DCLK2: variants seen among roughly 807,000 people sequenced by gnomAD.
DCLK2 encodes doublecortin like kinase 2, also known as serine/threonine-protein kinase DCLK2.
DCLK2 carries 31 observed loss-of-function variants against 78.4 expected under a neutral mutation model. The ratio of observed to expected loss-of-function variants is 0.40; its 90% CI spans 0.30 to 0.53. The LOEUF (loss-of-function observed/expected upper bound fraction) is 0.53, where lower values mean the gene tolerates loss of function less well. Ranked by LOEUF, DCLK2 falls within the 20% of genes least tolerant of loss-of-function variation. The pLI is 0.61. For synonymous variants in DCLK2, 407 were observed against 374.9 expected (o/e 1.09, Z -0.99); for missense variants, 872 against 973.7 (o/e 0.90, Z 1.39).
chr4:150,179,666 A>C (rs1026899293), intron 2 of DCLK2, among the ~76,000 whole-genome samples: 2 of 152,204 alleles, frequency 1.3e-5, no homozygotes, highest in African/African-American at 2.4e-5. Flanking sequence ...TAAAAATTTT[A>C]AAGGTCATAA....
intron 8 of DCLK2, among the ~76,000 whole-genome samples, chr4:150,229,864 G>A (rs1741908574): frequency 6.6e-6 from 1 of 152,132 alleles, no homozygotes; most frequent in East Asian, 1.9e-4. Flanking sequence ...AGACAAAAGA[G>A]ATATTCATAT....
At chr4:150,131,743 G>A (rs139591670) in intron 2 of DCLK2, among the ~76,000 whole-genome samples, 2 of 152,076 alleles carry the variant, frequency 1.3e-5, no homozygotes, top group Non-Finnish European at 2.9e-5. Flanking sequence ...CCAGACACTG[G>A]TCACTTCCTT....
intron 2 of DCLK2, among the ~76,000 whole-genome samples, chr4:150,106,553 T>G (rs1352072034): frequency 1.3e-5 from 2 of 152,230 alleles, no homozygotes; most frequent in Admixed American, 1.3e-4. Flanking sequence ...TTTTCCTGGT[T>G]GCTTCCTACC....
At chr4:150,184,787 GAGACGGGGTTTCACCAT>G (rs1396433111) in intron 2 of DCLK2, among the ~76,000 whole-genome samples, 1 of 151,984 alleles carries the variant, frequency 6.6e-6, no homozygotes, top group Non-Finnish European at 1.5e-5. Flanking sequence ...ATTTTTAGTA[GAGACGGGGTTTCACCAT>G]ATTAGCCAGG....
chr4:150,184,732 G>C (rs1474751492), intron 2 of DCLK2, among the ~76,000 whole-genome samples: 1 of 151,810 alleles, frequency 6.6e-6, no homozygotes, highest in Non-Finnish European at 1.5e-5. Context: ...CTCCCGAGTA[G>C]CTGGGACTAC....
intron 2 of DCLK2, among the ~76,000 whole-genome samples, chr4:150,182,165 T>G (rs1371304838): frequency 6.6e-6 from 1 of 152,038 alleles, no homozygotes; most frequent in Non-Finnish European, 1.5e-5. Flanking sequence ...CTCCCACCTC[T>G]GCCTCTCAGT....
chr4:150,226,990 T>C (rs1741670732), intron 8 of DCLK2, among the ~76,000 whole-genome samples: 1 of 152,242 alleles, frequency 6.6e-6, no homozygotes, highest in South Asian at 2.1e-4. Flanking sequence ...TGTTAAAATG[T>C]ATTATTTATC....
chr4:150,255,276 G>T (rs993972539), intron 15 of DCLK2, among the ~76,000 whole-genome samples: 1 of 152,224 alleles, frequency 6.6e-6, no homozygotes, highest in Non-Finnish European at 1.5e-5. Flanking sequence ...AGCCCATTGA[G>T]ATGGCAGCTT....
In DCLK2 at chr4:150,078,735, G is replaced by T. The variant is rs1728997408; in HGVS notation, c.-293G>T. The T allele has an allele frequency of 3.7e-6, 1 of 269,454 alleles. No individual in the cohort carries two copies. The highest frequency in any genetic ancestry group is 6.9e-6 in the Non-Finnish European group (1 of 144,430). The allele number at this position is 269,454 out of a possible 1,614,324, so 16.7% of individuals were successfully genotyped here. ...CGAGCGGGACTTGTGAGGCGTGGCC[G>T]GGTGGAGGAGGCGCTTGCGGGGGCG... is the stretch of plus-strand genomic sequence containing the variant. On this transcript the variant is annotated 5_prime_UTR_variant, in exon 1 of 16. Transcript: ENST00000296550.
chr4:150,119,005 A>G (rs1411368893), intron 2 of DCLK2, among the ~76,000 whole-genome samples: 1 of 150,862 alleles, frequency 6.6e-6, no homozygotes, highest in Non-Finnish European at 1.5e-5. Context: ...AGCCTCGACA[A>G]CAGTTGAGTG....
At chr4:150,252,280 T>C (rs1337009290) in intron 15 of DCLK2, among the ~76,000 whole-genome samples, 1 of 152,054 alleles carries the variant, frequency 6.6e-6, no homozygotes, top group Non-Finnish European at 1.5e-5. Context: ...TTTAGAAAAA[T>C]AAAACATTAA....
chr4:150,218,457 CA>C (rs768545545), intron 5 of DCLK2, among the ~76,000 whole-genome samples: 3 of 152,188 alleles, frequency 2.0e-5, no homozygotes, highest in Non-Finnish European at 4.4e-5. Context: ...TTCACTCAGA[CA>C]ACACATCAGC....
rs963742918 is a variant in DCLK2 at position 150,079,309 on chromosome 4, C to A, written c.282C>A (p.Asp94Glu). 1.3e-5 allele frequency: 21 copies of A among 1,594,452 alleles called. No homozygotes were observed. The highest frequency in any genetic ancestry group is 1.7e-5 in the Admixed American group (1 of 57,298). Residue 94 changes from aspartate (D) to glutamate (E), a missense_variant, in exon 1 of 16, where the codon GAC (aspartate) becomes GAA (glutamate). Transcript: ENST00000296550. ...FKGLVFAISS[D>E]RFRSFDALLI... ...GCCTGGTGTTTGCCATCTCCAGCGA[C>A]CGCTTCCGGTCCTTCGATGCGCTCC...
At chr4:150,129,366 G>A (rs1328605524) in intron 2 of DCLK2, among the ~76,000 whole-genome samples, 1 of 152,052 alleles carries the variant, frequency 6.6e-6, no homozygotes, top group African/African-American at 2.4e-5. Context: ...AAGTGAAAAT[G>A]CTTCTACGCT....
chr4:150,089,630 A>G (rs927901724), intron 1 of DCLK2, among the ~76,000 whole-genome samples: 7 of 152,372 alleles, frequency 4.6e-5, no homozygotes, highest in South Asian at 2.1e-4. Flanking sequence ...AATTACTTCA[A>G]TTACATTAGT....
intron 2 of DCLK2, among the ~76,000 whole-genome samples, chr4:150,155,066 A>T (rs1735167561): frequency 6.6e-6 from 1 of 152,094 alleles, no homozygotes; most frequent in South Asian, 2.1e-4. Context: ...CCCCAACTCT[A>T]CAAAAAATAA....
chr4:150,100,021 T>C (rs1219270515), intron 1 of DCLK2, among the ~76,000 whole-genome samples: 1 of 152,182 alleles, frequency 6.6e-6, no homozygotes, highest in African/African-American at 2.4e-5. Context: ...CAAGTGATCC[T>C]CCTGTCTCAG....
At chr4:150,159,951 C>T (rs1028988922) in intron 2 of DCLK2, among the ~76,000 whole-genome samples, 22 of 151,782 alleles carry the variant, frequency 1.4e-4, no homozygotes, top group South Asian at 6.2e-4. Context: ...ACTTCCTTTT[C>T]CTTCTTCTTT....
chr4:150,206,351 T>G (rs980029600), intron 5 of DCLK2, among the ~76,000 whole-genome samples: 5 of 152,116 alleles, frequency 3.3e-5, no homozygotes, highest in Non-Finnish European at 7.4e-5. Flanking sequence ...CAGTAAATGC[T>G]CAAGGATTAC....
Sources: gnomAD v4.1 joint callset for allele counts (sites outside exome capture counted in the v4.1 genomes callset) on GRCh38, gnomAD v4.1.1 for gene constraint, MANE v1.5 for transcripts, NCBI Gene and HGNC (gene_info 2026-07-23, HGNC 2026-07-21) for gene names.